The following MCTP1 variants were observed in gnomAD, a reference collection of about 807,000 sequenced individuals.
MCTP1 encodes the protein multiple C2 and transmembrane domain containing 1.
A neutral mutation model predicts 120.6 loss-of-function variants in MCTP1; 69 were observed. That is an observed-to-expected ratio of 0.57 (90% confidence interval 0.47 to 0.70). The LOEUF (loss-of-function observed/expected upper bound fraction) is 0.70. Among genes scored for constraint, MCTP1 ranks in the 30% least tolerant of loss-of-function variants. The pLI is 0.00. For synonymous variants in MCTP1, 529 were observed against 493.1 expected (o/e 1.07, Z -0.96); for missense variants, 1,203 against 1,248.8 (o/e 0.96, Z 0.55).
chr5:94,869,442 T>G (rs1797426031), intron 16 of MCTP1, among the ~76,000 whole-genome samples: 1 of 152,056 alleles, frequency 6.6e-6, no homozygotes, highest in African/African-American at 2.4e-5. Flanking sequence ...GTCTATCTCT[T>G]AGTTTTCCTT....
At chr5:94,789,501 G>T (rs1416389008) in intron 18 of MCTP1, 1 of 152,168 alleles carries the variant, frequency 6.6e-6, no homozygotes, top group Admixed American at 6.5e-5. Flanking sequence ...TGAGAATTGA[G>T]TAAAAGGATA....
chr5:95,279,644 CAT>C (rs1238565827), intron 1 of MCTP1, among the ~76,000 whole-genome samples: 1 of 152,228 alleles, frequency 6.6e-6, no homozygotes, highest in Non-Finnish European at 1.5e-5. Flanking sequence ...GCCAATCTCT[CAT>C]AACATCTACA....
At chr5:94,933,002 A>T (rs39624) in intron 5 of MCTP1, among the ~76,000 whole-genome samples, 4,915 of 152,052 alleles carry the variant, frequency 0.032, 125 homozygotes, top group East Asian at 0.093. Flanking sequence ...AAACCACAAG[A>T]ATGAATTTAG....
intron 1 of MCTP1, among the ~76,000 whole-genome samples, chr5:95,065,607 C>T (rs1217377210): frequency 6.6e-6 from 1 of 152,172 alleles, no homozygotes; most frequent in Non-Finnish European, 1.5e-5. Flanking sequence ...GACGAGAACT[C>T]TCTTAATCCG....
intron 2 of MCTP1, among the ~76,000 whole-genome samples, chr5:94,968,594 C>CA (rs1826111596): frequency 6.6e-6 from 1 of 152,152 alleles, no homozygotes; most frequent in African/African-American, 2.4e-5. Flanking sequence ...ACATACTATA[C>CA]AAAAAGGATT....
At chr5:94,751,237 G>T (rs190430880) in intron 19 of MCTP1, among the ~76,000 whole-genome samples, 1 of 152,080 alleles carries the variant, frequency 6.6e-6, no homozygotes, top group Non-Finnish European at 1.5e-5. Flanking sequence ...GATGCTATGA[G>T]TTAGGGGTTT....
intron 19 of MCTP1, among the ~76,000 whole-genome samples, chr5:94,756,596 ATAG>A (rs1769952675): frequency 6.6e-6 from 1 of 152,194 alleles, no homozygotes; most frequent in Non-Finnish European, 1.5e-5. Context: ...CATTCTAGCA[ATAG>A]TAGATGCAAT....
chr5:94,995,894 A>C (rs1333119951), intron 2 of MCTP1, among the ~76,000 whole-genome samples: 1 of 152,200 alleles, frequency 6.6e-6, no homozygotes, highest in Non-Finnish European at 1.5e-5. Flanking sequence ...AACAAAAGAT[A>C]TGCTAACAGC....
At chr5:95,200,374 G>A (rs1750879074) in intron 1 of MCTP1, among the ~76,000 whole-genome samples, 1 of 152,000 alleles carries the variant, frequency 6.6e-6, no homozygotes, top group Non-Finnish European at 1.5e-5. Context: ...TAAAATCAGT[G>A]TATGACAGAG....
chr5:94,779,198 T>C (rs760524831), intron 18 of MCTP1, 35 bp from the exon 19 acceptor site: 1 of 1,580,990 alleles, frequency 6.3e-7, no homozygotes, highest in Non-Finnish European at 8.7e-7. Context: ...TTTTGTGCTC[T>C]TAAAGGAGAG....
At chr5:94,830,079 C>T (rs2153154020) in intron 17 of MCTP1, among the ~76,000 whole-genome samples, 1 of 152,356 alleles carries the variant, frequency 6.6e-6, no homozygotes, top group African/African-American at 2.4e-5. Flanking sequence ...AAGAAAGAGT[C>T]TGGTATTTGT....
intron 1 of MCTP1, among the ~76,000 whole-genome samples, chr5:95,069,292 G>A (rs996110367): frequency 1.3e-5 from 2 of 152,172 alleles, no homozygotes; most frequent in African/African-American, 4.8e-5. Flanking sequence ...ACATTTGTAC[G>A]TACTCCTAAC....
chr5:95,247,403 T>C (rs926202831), intron 1 of MCTP1, among the ~76,000 whole-genome samples: 4 of 152,188 alleles, frequency 2.6e-5, no homozygotes, highest in Non-Finnish European at 5.9e-5. Context: ...TCAGTTCTGC[T>C]CTGATCTTAG....
intron 17 of MCTP1, chr5:94,867,249 T>G: frequency 1.4e-6 from 2 of 1,470,464 alleles, no homozygotes; most frequent in Admixed American, 4.6e-5. Flanking sequence ...ATAATGACAA[T>G]TGCTTTCTTT....
intron 1 of MCTP1, among the ~76,000 whole-genome samples, chr5:95,263,099 G>C (rs552401283): frequency 2.6e-4 from 40 of 152,312 alleles, no homozygotes; most frequent in Admixed American, 1.1e-3. Context: ...CTGGCTTCCT[G>C]AACTGGGGAA....
intron 17 of MCTP1, among the ~76,000 whole-genome samples, chr5:94,809,541 G>C (rs575942628): frequency 3.3e-5 from 5 of 152,202 alleles, no homozygotes; most frequent in Admixed American, 6.5e-5. Flanking sequence ...AAATTAGTCT[G>C]TTACCTTTGT....
At chr5:94,783,602 T>A (rs9314119) in intron 18 of MCTP1, among the ~76,000 whole-genome samples, 4 of 152,014 alleles carry the variant, frequency 2.6e-5, no homozygotes, top group Admixed American at 2.6e-4. Context: ...AAACCAATGA[T>A]GAAAGGATGA....
chr5:94,912,182 C>T (rs1242899537), intron 9 of MCTP1, among the ~76,000 whole-genome samples: 1 of 151,820 alleles, frequency 6.6e-6, no homozygotes, highest in Non-Finnish European at 1.5e-5. Flanking sequence ...AAGCTACACT[C>T]TTGGGAGGCC....
intron 19 of MCTP1, among the ~76,000 whole-genome samples, chr5:94,758,112 G>T (rs1770386380): frequency 1.3e-5 from 2 of 152,078 alleles, no homozygotes; most frequent in South Asian, 4.1e-4. Context: ...GCAACTGAAG[G>T]AAAAGAAAAC....
Sources: allele counts gnomAD v4.1 joint callset (sites outside exome capture counted in the v4.1 genomes callset), GRCh38; gene constraint gnomAD v4.1.1; transcripts MANE v1.5; gene names NCBI Gene and HGNC (gene_info 2026-07-23, HGNC 2026-07-21).